Variants in FANCD2 observed in about 807,000 individuals in gnomAD.
The protein encoded by FANCD2 is Fanconi anemia group D2 protein.
In FANCD2, 131 loss-of-function variants were observed where a neutral mutation model predicts 192.3. The ratio of observed to expected loss-of-function variants is 0.68; its 90% confidence interval spans 0.59 to 0.79. The LOEUF is 0.79. FANCD2 is among the 30% of genes least tolerant of loss of function. The pLI, the probability that FANCD2 is intolerant of heterozygous loss-of-function variation, is 0.00. For synonymous variants in FANCD2, 524 were observed against 612.5 expected (o/e 0.86, Z 2.13); for missense variants, 1,508 against 1,701.6 (o/e 0.89, Z 2.00).
intron 9 of FANCD2, chr3:10,040,214 T>G: frequency 3.0e-6 from 1 of 331,720 alleles, no homozygotes; most frequent in South Asian, 2.8e-5. Flanking sequence ...TTTTTGGTAT[T>G]TTTAGTAGAG....
intron 34 of FANCD2, 119 bp downstream of exon 34, chr3:10,087,383 A>G: frequency 1.1e-6 from 1 of 937,788 alleles, no homozygotes. Context: ...ATAACCTTGG[A>G]TAGGCCCTCT....
intron 10 of FANCD2, 78 bp downstream of exon 10, chr3:10,041,788 G>A (rs1237111892): frequency 1.1e-6 from 1 of 943,478 alleles, no homozygotes; most frequent in African/African-American, 1.6e-5. Flanking sequence ...TCATTGCCTT[G>A]GGAGTAATGA....
rs534627651 is a variant in FANCD2, at chr3:10,078,007, A to G, written c.2860-74A>G. 12 of 1,139,042 alleles carry G rather than the reference A, an allele frequency of 1.1e-5. No homozygotes were observed. The Admixed American group carries it at 1.7e-4, about 16-fold the overall frequency. 70.6% of individuals were successfully genotyped at this position (1,139,042 alleles called of 1,614,324 possible). ...ATGATCTTGCCACTGCACATTTAAC[A>G]AAAAAGAAAGAAAAAAAATTATCAT... On this transcript the variant is annotated intron_variant, in intron 29 of 43. Coordinates refer to ENST00000675286, the MANE Select transcript of FANCD2 (RefSeq NM_001018115.3).
At chr3:10,036,491 A>C in intron 7 of FANCD2, 152 bp downstream of exon 7, 3 of 631,868 alleles carry the variant, frequency 4.7e-6, no homozygotes, top group Non-Finnish European at 8.5e-6. Flanking sequence ...AGTGTCTTTG[A>C]AGTTTCATCT....
chr3:10,042,906 C>T, intron 11 of FANCD2, 144 bp from the exon 12 acceptor site: 14 of 819,536 alleles, frequency 1.7e-5, no homozygotes, highest in Non-Finnish European at 2.0e-6. Flanking sequence ...ATTGGCTATT[C>T]TCATAACTCT....
Position 10,065,904 on chromosome 3 carries a change from G to A in FANCD2, c.2310G>A (p.Lys770=). 6.2e-7 allele frequency: 1 copy of A among 1,613,650 alleles called. No individual in the cohort carries two copies. The highest frequency in any genetic ancestry group is 1.1e-5 in the South Asian group (1 of 91,072). ...IFLTDLEPGE[K]LESMSAKERS... is the part of the protein sequence containing the mutation. The stretch of plus-strand genomic sequence containing the variant: ...TAACTGACCTGGAGCCTGGAGAGAA[G>A]TTGGAGTCCATGTCTGCTAAAGAGC... Residue 770 remains lysine, a synonymous_variant, in exon 25 of 44, where the codon AAG becomes AAA. Coordinates refer to ENST00000675286, the MANE Select transcript of FANCD2 (RefSeq NM_001018115.3).
At chr3:10,092,739 C>G (rs1334191542) in intron 38 of FANCD2, among the ~76,000 whole-genome samples, 1 of 129,398 alleles carries the variant, frequency 7.7e-6, no homozygotes, top group Non-Finnish European at 1.5e-5. Context: ...GTTGTCCAGG[C>G]TGGAATGCAG....
intron 7 of FANCD2, among the ~76,000 whole-genome samples, 179 bp from the exon 8 acceptor site, chr3:10,039,100 C>T (rs926842903): frequency 2.0e-5 from 3 of 152,152 alleles, no homozygotes; most frequent in Admixed American, 6.6e-5. Flanking sequence ...TCTTAACATA[C>T]GTAAGCATGT....
intron 14 of FANCD2, chr3:10,045,645 A>G (rs2086984017): frequency 7.3e-6 from 1 of 136,236 alleles, no homozygotes; most frequent in Non-Finnish European, 1.5e-5. Context: ...TCTGTCACCT[A>G]GGCTCGAGTG....
chr3:10,088,346 A>G (rs1694361365), intron 34 of FANCD2, 103 bp from the exon 35 acceptor site: 1 of 827,754 alleles, frequency 1.2e-6, no homozygotes, highest in Non-Finnish European at 2.1e-6. Flanking sequence ...TAGTAAATCT[A>G]AACTAATAAT....
intron 19 of FANCD2, 93 bp downstream of exon 19, chr3:10,060,496 GT>G: frequency 2.1e-6 from 2 of 944,276 alleles, no homozygotes; most frequent in South Asian, 2.7e-5. Context: ...AGCAGTAGAA[GT>G]TACAACTATA....
chr3:10,083,812 C>T (rs1351336606), intron 32 of FANCD2: 3 of 143,248 alleles, frequency 2.1e-5, no homozygotes, highest in Non-Finnish European at 3.0e-5. Flanking sequence ...GGCCTTAACC[C>T]GGGAGGTGGA....
chr3:10,061,119 C>G (rs1315225799), intron 19 of FANCD2, among the ~76,000 whole-genome samples: 1 of 152,196 alleles, frequency 6.6e-6, no homozygotes, highest in Non-Finnish European at 1.5e-5. Context: ...TAGCTCACTG[C>G]AACTTTGGCA....
At chr3:10,078,646 G>A (rs545267015) in intron 30 of FANCD2, among the ~76,000 whole-genome samples, 2 of 148,126 alleles carry the variant, frequency 1.4e-5, no homozygotes, top group South Asian at 2.4e-4. Flanking sequence ...GAGCCACCGC[G>A]CCCGGCCTCA....
intron 32 of FANCD2, among the ~76,000 whole-genome samples, chr3:10,082,888 A>C (rs1415905057): frequency 1.3e-5 from 2 of 152,146 alleles, no homozygotes; most frequent in Non-Finnish European, 2.9e-5. Flanking sequence ...GTGCCTGACA[A>C]AAACTTTGAA....
chr3:10,039,469 A>G (rs760792708), intron 8 of FANCD2, 112 bp downstream of exon 8: 3 of 1,032,812 alleles, frequency 2.9e-6, no homozygotes, highest in Admixed American at 2.4e-5. Context: ...CCATCCATCC[A>G]TTAGCTTTTT....
At chr3:10,094,150 C>G (rs921629967) in intron 39 of FANCD2, 139 bp from the exon 40 acceptor site, 2 of 699,492 alleles carry the variant, frequency 2.9e-6, no homozygotes. Context: ...CCAAATAAAC[C>G]TTTTGGACCC....
chr3:10,087,033 G>A (rs900275078), intron 33 of FANCD2, 101 bp from the exon 34 acceptor site: 34 of 1,304,954 alleles, frequency 2.6e-5, no homozygotes, highest in Middle Eastern at 1.8e-4. Context: ...TGATTAGGCC[G>A]TCAAACACTG....
chr3:10,075,785 C>T (rs1365812531), intron 29 of FANCD2, among the ~76,000 whole-genome samples: 3 of 124,112 alleles, frequency 2.4e-5, no homozygotes, highest in Non-Finnish European at 4.7e-5. Context: ...GGCTGGAGTG[C>T]GGTGGTGGGA....
Sources: gnomAD v4.1 joint callset for allele counts (sites outside exome capture counted in the v4.1 genomes callset) on GRCh38, gnomAD v4.1.1 for gene constraint, MANE v1.5 for transcripts, NCBI Gene and HGNC (gene_info 2026-07-23, HGNC 2026-07-21) for gene names.